SVEP1: variants seen among roughly 807,000 people sequenced by gnomAD.
SVEP1 encodes sushi, von Willebrand factor type A, EGF and pentraxin domain containing 1.
SVEP1 carries 164 observed loss-of-function variants against 367.3 expected under a neutral mutation model. The ratio of observed to expected loss-of-function variants is 0.45; its 90% confidence interval spans 0.39 to 0.51. The LOEUF (loss-of-function observed/expected upper bound fraction) is 0.51, where lower values mean the gene tolerates loss of function less well. SVEP1 is among the 20% of genes least tolerant of loss of function. The probability of loss-of-function intolerance (pLI) is 0.00; values close to 1 mark genes in which losing one functional copy is unlikely to be tolerated. For synonymous variants in SVEP1, 1,666 were observed against 1,611.6 expected (o/e 1.03, Z -0.81); for missense variants, 4,117 against 4,425.3 (o/e 0.93, Z 1.98).
intron 26 of SVEP1, among the ~76,000 whole-genome samples, chr9:110,445,203 T>G (rs970632640): frequency 6.6e-6 from 1 of 152,140 alleles, no homozygotes. Context: ...TGATAAATAA[T>G]GTGGACAGTT....
intron 36 of SVEP1, among the ~76,000 whole-genome samples, chr9:110,423,947 A>C (rs1235852514): frequency 6.6e-6 from 1 of 152,252 alleles, no homozygotes; most frequent in African/African-American, 2.4e-5. Context: ...ACAATGGGAA[A>C]ACCTTAAACA....
Position 110,436,509 on chromosome 9 carries a change from G to A in SVEP1, c.4640-5C>T, listed in dbSNP as rs1471649611. On this transcript the variant is annotated splice_polypyrimidine_tract_variant and splice_region_variant and intron_variant, in intron 27 of 47. Coordinates refer to ENST00000374469, the MANE Select transcript of SVEP1 (RefSeq NM_153366.4). ...CCAGAACTAACGCACCACCACCTAA[G>A]GAGAGAGAAAGAGAAAGAAAAGGAG... is the stretch of plus-strand genomic sequence containing the variant. 1 of 1,612,656 alleles carries A rather than the reference G, an allele frequency of 6.2e-7. No homozygotes were observed. Among genetic ancestry groups the A allele is most frequent in the East Asian group, 2.2e-5 (1 of 44,838 alleles).
chr9:110,373,967 T>C (rs537716766), intron 46 of SVEP1, among the ~76,000 whole-genome samples: 15 of 152,220 alleles, frequency 9.9e-5, no homozygotes, highest in Non-Finnish European at 1.8e-4. Context: ...ATGAGTTTTG[T>C]AATATTTTTC....
At chr9:110,430,078 C>A in intron 33 of SVEP1, 74 bp from the exon 34 acceptor site, 1 of 1,467,616 alleles carries the variant, frequency 6.8e-7, no homozygotes, top group Non-Finnish European at 9.3e-7. Flanking sequence ...CAAGGGGCAG[C>A]TCAAGATCTT....
At chr9:110,491,297 G>A (rs1056691139) in intron 8 of SVEP1, among the ~76,000 whole-genome samples, 5 of 151,650 alleles carry the variant, frequency 3.3e-5, no homozygotes, top group African/African-American at 1.2e-4. Context: ...TATATTAACA[G>A]TACTTTTGAA....
At chr9:110,465,303 A>C (rs1399038794) in intron 18 of SVEP1, among the ~76,000 whole-genome samples, 1 of 152,102 alleles carries the variant, frequency 6.6e-6, no homozygotes, top group Non-Finnish European at 1.5e-5. Context: ...CTTAAAAAAA[A>C]AAAAAGAAAA....
intron 36 of SVEP1, among the ~76,000 whole-genome samples, chr9:110,414,674 C>T (rs771643366): frequency 1.3e-4 from 19 of 151,924 alleles, no homozygotes; most frequent in Admixed American, 5.9e-4. Flanking sequence ...TTGATTGACA[C>T]ACTGGGTAGA....
chr9:110,477,598 G>T (rs182098545), intron 13 of SVEP1, among the ~76,000 whole-genome samples: 9 of 151,616 alleles, frequency 5.9e-5, no homozygotes, highest in Non-Finnish European at 1.3e-4. Flanking sequence ...TTTTTACGCC[G>T]ATCAAAATTG....
chr9:110,447,097 T>C (rs1828613110), intron 24 of SVEP1, 40 bp from the exon 25 acceptor site: 3 of 1,375,506 alleles, frequency 2.2e-6, no homozygotes, highest in Non-Finnish European at 2.8e-6. Context: ...AGAACAGTTG[T>C]AGGAAGTCTC....
At chr9:110,534,784 A>G (rs1830059835) in intron 3 of SVEP1, among the ~76,000 whole-genome samples, 1 of 152,056 alleles carries the variant, frequency 6.6e-6, no homozygotes, top group African/African-American at 2.4e-5. Context: ...AGTGGTATTG[A>G]GCATTTTTTC....
intron 27 of SVEP1, among the ~76,000 whole-genome samples, chr9:110,441,369 C>T (rs1363205126): frequency 6.6e-6 from 1 of 152,164 alleles, no homozygotes; most frequent in Non-Finnish European, 1.5e-5. Context: ...AATTAATCTC[C>T]CCAATCCATT....
intron 14 of SVEP1, among the ~76,000 whole-genome samples, chr9:110,475,136 T>A (rs895993777): frequency 5.3e-5 from 8 of 152,218 alleles, no homozygotes; most frequent in African/African-American, 1.9e-4. Context: ...AAAAATTGTA[T>A]AATAAACATA....
chr9:110,570,467 C>CGTGTGTGAGTGT (rs1830542690), intron 1 of SVEP1, among the ~76,000 whole-genome samples: 1 of 146,828 alleles, frequency 6.8e-6, no homozygotes, highest in Non-Finnish European at 1.5e-5. Context: ...GTTTCTGTTG[C>CGTGTGTGAGTGT]GTGTGTGTGT....
chr9:110,565,680 T>C (rs1171565616), intron 1 of SVEP1, among the ~76,000 whole-genome samples: 2 of 152,102 alleles, frequency 1.3e-5, no homozygotes, highest in South Asian at 2.1e-4. Context: ...AGAGTGCCCA[T>C]TCAAATGACA....
chr9:110,389,100 A>G (rs1278615959), intron 41 of SVEP1, among the ~76,000 whole-genome samples: 4 of 152,232 alleles, frequency 2.6e-5, no homozygotes, highest in Non-Finnish European at 5.9e-5. Context: ...AAAATGAGTT[A>G]AATTCCATGC....
intron 1 of SVEP1, among the ~76,000 whole-genome samples, chr9:110,555,864 A>G (rs140632446): frequency 6.5e-4 from 99 of 152,294 alleles, no homozygotes; most frequent in Middle Eastern, 3.4e-3. Flanking sequence ...CATTAATTCA[A>G]TCAAAACGTT....
At chr9:110,568,414 T>C (rs1419895542) in intron 1 of SVEP1, among the ~76,000 whole-genome samples, 1 of 152,256 alleles carries the variant, frequency 6.6e-6, no homozygotes, top group Non-Finnish European at 1.5e-5. Flanking sequence ...TATTTTCTCA[T>C]GGGAAATTCC....
intron 1 of SVEP1, among the ~76,000 whole-genome samples, chr9:110,551,780 G>A (rs975838520): frequency 6.6e-6 from 1 of 152,118 alleles, no homozygotes; most frequent in Non-Finnish European, 1.5e-5. Context: ...AAAAACCTCT[G>A]AGGAGAGGAA....
rs553590229 is a variant in SVEP1 at position 110,408,896 on chromosome 9, T to C, written c.6704A>G (p.Tyr2235Cys). ...AAATACAGGACTTCCGACTGACTTA[T>C]AGCCCGGGTTACACTGATACCTCAC... ...SEVRYQCNPG[Y>C]KSVGSPVFVC... The change falls in exon 38 of 48, where the codon TAT becomes TGT. Residue 2235 changes from tyrosine to cysteine, a missense_variant. Coordinates refer to ENST00000374469, the MANE Select transcript of SVEP1 (RefSeq NM_153366.4). 29 of 1,611,806 alleles carry C rather than the reference T, an allele frequency of 1.8e-5. No homozygotes were observed. In the East Asian group the frequency reaches 3.1e-4, roughly 17 times the overall value.
Sources: gnomAD v4.1 joint callset for allele counts (sites outside exome capture counted in the v4.1 genomes callset) on GRCh38, gnomAD v4.1.1 for gene constraint, MANE v1.5 for transcripts, NCBI Gene and HGNC (gene_info 2026-07-23, HGNC 2026-07-21) for gene names.